The following ATCAY variants were observed in gnomAD, a reference collection of about 807,000 sequenced individuals.
The protein encoded by ATCAY is ATCAY kinesin light chain interacting caytaxin, also known as caytaxin.
Under a neutral mutation model 47.7 loss-of-function variants are expected in ATCAY, and 22 were observed. The observed-to-expected ratio is 0.46, with a 90% CI of 0.33 to 0.66. ATCAY has a LOEUF of 0.66. Among genes scored for constraint, ATCAY ranks in the 30% least tolerant of loss-of-function variants. The pLI, the probability that ATCAY is intolerant of heterozygous loss-of-function variation, is 0.02. For missense variants in ATCAY, 452 were observed against 515.0 expected (o/e 0.88, Z 1.18); for synonymous variants, 216 against 207.6 (o/e 1.04, Z -0.35).
At chr19:3,895,903 G>A (rs2038765882) in intron 2 of ATCAY, among the ~76,000 whole-genome samples, 1 of 151,684 alleles carries the variant, frequency 6.6e-6, no homozygotes, top group African/African-American at 2.4e-5. Flanking sequence ...TTTTTGTAGA[G>A]ATGGGGTCTC....
rs564040857 is a variant in ATCAY at position 3,907,777 on chromosome 19, C to T, written c.402C>T (p.Ser134=). ...CCGCCAAGAACATGCCCGGGGACAGCGCGGATCTATTTGGGGACGGCACGA... is the reference window on the plus strand; with the variant it reads ...CCGCCAAGAACATGCCCGGGGACAGTGCGGATCTATTTGGGGACGGCACGA... ...VATAKNMPGD[S]ADLFGDGTTE... The change falls in exon 5 of 13, where the codon AGC becomes AGT. Residue 134 remains serine (S), a synonymous_variant. Coordinates refer to ENST00000450849, the MANE Select transcript of ATCAY (RefSeq NM_033064.5). This position sits in a 1 kb window ranked among gnomAD's most constrained non-coding sequence, Gnocchi z 5.1. The T allele has an allele frequency of 2.1e-5, 34 of 1,614,004 alleles. No individual in the cohort carries two copies. The Middle Eastern group carries it at 1.2e-3, about 55-fold the overall frequency.
At chr19:3,909,953 G>C (rs1431582523) in intron 7 of ATCAY, among the ~76,000 whole-genome samples, 1 of 152,186 alleles carries the variant, frequency 6.6e-6, no homozygotes, top group Non-Finnish European at 1.5e-5. Context: ...GCTGGGCGTG[G>C]TGGCGCATGC....
At chr19:3,911,269 C>T (rs1170391015) in intron 8 of ATCAY, among the ~76,000 whole-genome samples, 1 of 151,972 alleles carries the variant, frequency 6.6e-6, no homozygotes, top group African/African-American at 2.4e-5. Flanking sequence ...GGGAGGCTCA[C>T]GTGGGAGGAT....
chr19:3,907,686 G>A lies in ATCAY; in HGVS notation c.359-48G>A. On this transcript the variant is annotated intron_variant, in intron 4 of 12. Transcript: ENST00000450849. This position sits in a 1 kb window ranked among gnomAD's most constrained non-coding sequence, Gnocchi z 5.1. Reference sequence around the variant, plus strand: ...AGGAAGGCTGAGCAGGAGGGCAGGAGATATCCGGACTCTGGCGTCCATGCG... The same window carrying A: ...AGGAAGGCTGAGCAGGAGGGCAGGAAATATCCGGACTCTGGCGTCCATGCG... 1 of 1,606,000 alleles carries A rather than the reference G, an allele frequency of 6.2e-7. No homozygotes were observed.
At chr19:3,905,717 C>A in intron 4 of ATCAY, 62 bp downstream of exon 4, 1 of 1,451,614 alleles carries the variant, frequency 6.9e-7, no homozygotes, top group Non-Finnish European at 9.5e-7. Context: ...ACCTTTCCGT[C>A]TCTGGATTCC....
At chr19:3,917,614 A>AGG in intron 9 of ATCAY, 128 bp from the exon 10 acceptor site, 4 of 705,444 alleles carry the variant, frequency 5.7e-6, no homozygotes, top group Non-Finnish European at 6.7e-6. Flanking sequence ...AAAAAAAGGA[A>AGG]GAAGAAGAAG....
In ATCAY at chr19:3,925,774, A is replaced by C. The variant is rs1002227558; in HGVS notation, c.*1182A>C. The C allele has an allele frequency of 2.0e-5, 3 of 152,400 alleles. No individual in the cohort carries two copies. Among genetic ancestry groups the C allele is most frequent in the Non-Finnish European group, 4.4e-5 (3 of 68,094 alleles). The allele number at this position is 152,400 out of a possible 1,614,324, so 9.4% of individuals were successfully genotyped here. On this transcript the variant is annotated 3_prime_UTR_variant, in exon 13 of 13. Transcript: ENST00000450849. This position sits in a 1 kb window ranked among gnomAD's most constrained non-coding sequence, Gnocchi z 4.4. ...TGTAATCCCAGACTTTGGGAGGCCG[A>C]GGCAGGCGGATCACCTGAGGTGAGG...
rs770081568 is a variant in ATCAY, at chr19:3,907,940, C to T, written c.544+21C>T. The stretch of plus-strand genomic sequence containing the variant: ...CGGAGGTGAGACCCGCCCCCCGGTG[C>T]CCCCTTGGGGCTCCAGCCCGGCCCA... On this transcript the variant is annotated intron_variant, in intron 5 of 12. Transcript: ENST00000450849. The surrounding 1 kb of genome is among the most constrained non-coding windows in gnomAD (Gnocchi z 5.1). 1.3e-4 allele frequency: 207 copies of T among 1,607,192 alleles called. No homozygotes were observed. The highest frequency in any genetic ancestry group is 1.6e-4 in the Non-Finnish European group (188 of 1,176,946).
At chr19:3,902,400 G>C in intron 2 of ATCAY, 87 bp from the exon 3 acceptor site, 1 of 1,262,730 alleles carries the variant, frequency 7.9e-7, no homozygotes, top group Non-Finnish European at 1.1e-6. Flanking sequence ...TGACTCGCCT[G>C]GCTGGACCTG....
intron 9 of ATCAY, among the ~76,000 whole-genome samples, chr19:3,915,001 T>C (rs2038954908): frequency 6.6e-6 from 1 of 151,998 alleles, no homozygotes; most frequent in Non-Finnish European, 1.5e-5. Flanking sequence ...CCCCGGAGCT[T>C]GGGGAAGGGA....
chr19:3,883,913 T>C, intron 1 of ATCAY, among the ~76,000 whole-genome samples: 1 of 152,104 alleles, frequency 6.6e-6, no homozygotes, highest in South Asian at 2.1e-4. Context: ...CAGTCTCACC[T>C]GGCAGCTCTG....
chr19:3,890,797 C>G lies in ATCAY; in HGVS notation c.77+4953C>G, dbSNP rs572412987. 1.3e-3 allele frequency among the ~76,000 whole-genome samples: 203 copies of G among 152,326 alleles called. 1 individual carries two copies. The highest frequency in any genetic ancestry group is 4.6e-3 in the African/African-American group (192 of 41,576). Reference sequence around the variant, plus strand: ...GGCCTCGCTGTGCCAGCCTGGCCCCCACGAGCTACGCCTTTGCCAACAGGA... The same window carrying G: ...GGCCTCGCTGTGCCAGCCTGGCCCCGACGAGCTACGCCTTTGCCAACAGGA... On this transcript the variant is annotated intron_variant, in intron 2 of 12. Transcript: ENST00000450849.
intron 11 of ATCAY, 32 bp from the exon 12 acceptor site, chr19:3,920,734 A>G: frequency 6.4e-7 from 1 of 1,552,606 alleles, no homozygotes; most frequent in Non-Finnish European, 8.7e-7. Flanking sequence ...AAAATAAGCA[A>G]ATAACGCCCA....
chr19:3,915,386 T>G (rs2145259005), intron 9 of ATCAY, among the ~76,000 whole-genome samples: 1 of 150,422 alleles, frequency 6.6e-6, no homozygotes, highest in Non-Finnish European at 1.5e-5. Flanking sequence ...GGTTTCTCCA[T>G]GTTCGTCAAG....
chr19:3,886,046 G>A (rs958652026), intron 2 of ATCAY, among the ~76,000 whole-genome samples: 1 of 152,234 alleles, frequency 6.6e-6, no homozygotes, highest in African/African-American at 2.4e-5. Context: ...CAGTGGGGTA[G>A]TCCTGGCCAG....
rs2039076752 is a variant in ATCAY at position 3,927,396 on chromosome 19, A to T, written c.*2804A>T. 6.6e-6 allele frequency: 1 copy of T among 152,266 alleles called. No individual in the cohort carries two copies. Among genetic ancestry groups the T allele is most frequent in the African/African-American group, 2.4e-5 (1 of 41,458 alleles). The allele number at this position is 152,266 out of a possible 1,614,324, so 9.4% of individuals were successfully genotyped here. A position where few individuals can be genotyped will look rare whatever the true frequency, so the allele number is the denominator to read the frequency against. On this transcript the variant is annotated 3_prime_UTR_variant, in exon 13 of 13. Coordinates refer to ENST00000450849, the MANE Select transcript of ATCAY (RefSeq NM_033064.5). ...CAAGAACTGCTGGGCCTTAACCGTCATGGAAGACTGGGGCCGCTTCCAAGT... is the reference window on the plus strand; with the variant it reads ...CAAGAACTGCTGGGCCTTAACCGTCTTGGAAGACTGGGGCCGCTTCCAAGT...
rs562407670 is a variant in ATCAY, at chr19:3,884,127, G to T, written c.-41-1600G>T. 1.8e-3 allele frequency among the ~76,000 whole-genome samples: 279 copies of T among 152,058 alleles called. 1 individual carries two copies. The highest frequency in any genetic ancestry group is 6.5e-3 in the African/African-American group (271 of 41,494). On this transcript the variant is annotated intron_variant, in intron 1 of 12. Transcript: ENST00000450849. Reference sequence around the variant, plus strand: ...AAGACCAGCCTGGGTGACATACCAAGATCAGAGAAATTAGCCAGGCATGAT... The same window carrying T: ...AAGACCAGCCTGGGTGACATACCAATATCAGAGAAATTAGCCAGGCATGAT...
chr19:3,923,237 G>A (rs1284493190), intron 12 of ATCAY, among the ~76,000 whole-genome samples: 1 of 152,178 alleles, frequency 6.6e-6, no homozygotes, highest in Non-Finnish European at 1.5e-5. Context: ...CTGGAGATGA[G>A]TTCACATATA....
chr19:3,886,458 C>T (rs1270607043), intron 2 of ATCAY, among the ~76,000 whole-genome samples: 2 of 151,880 alleles, frequency 1.3e-5, no homozygotes, highest in Admixed American at 1.3e-4. Context: ...GGGTGTGTGG[C>T]AGGCGCCTGT....
Sources: allele counts gnomAD v4.1 joint callset (sites outside exome capture counted in the v4.1 genomes callset), GRCh38; gene constraint gnomAD v4.1.1; non-coding constraint Gnocchi (gnomAD v3.1); transcripts MANE v1.5; gene names NCBI Gene and HGNC (gene_info 2026-07-23, HGNC 2026-07-21).